Variants in MPP7 observed in about 807,000 individuals in gnomAD.
The protein encoded by MPP7 is MAGUK p55 scaffold protein 7.
A neutral mutation model predicts 76.5 loss-of-function variants in MPP7; 60 were observed. The observed-to-expected ratio is 0.78, with a 90% CI of 0.64 to 0.97. The LOEUF (loss-of-function observed/expected upper bound fraction) is 0.97. Ranked by LOEUF, MPP7 falls within the 50% of genes least tolerant of loss-of-function variation. The pLI, the probability that MPP7 is intolerant of heterozygous loss-of-function variation, is 0.00. For missense variants in MPP7, 641 were observed against 694.0 expected (o/e 0.92, Z 0.86); for synonymous variants, 237 against 244.5 (o/e 0.97, Z 0.29).
At chr10:28,063,461 CAAAA>C (rs760077416) in intron 13 of MPP7, among the ~76,000 whole-genome samples, 1 of 109,672 alleles carries the variant, frequency 9.1e-6, no homozygotes, top group Admixed American at 9.7e-5. Context: ...GACTCTGTCT[CAAAA>C]AAAAAAAAAA....
At chr10:28,069,921 G>A (rs946628445) in intron 12 of MPP7, 69 bp from the exon 13 acceptor site, 90 of 1,137,474 alleles carry the variant, frequency 7.9e-5, no homozygotes, top group Admixed American at 4.3e-4. Flanking sequence ...TAACTGACAT[G>A]AGTCTCTAAG....
At chr10:28,292,449 C>T (rs1007611902) in intron 1 of MPP7, among the ~76,000 whole-genome samples, 22 of 140,978 alleles carry the variant, frequency 1.6e-4, no homozygotes, top group Middle Eastern at 3.6e-3. Flanking sequence ...AAGATCATTA[C>T]GGAAAAAAAA....
rs145578488 is a variant in MPP7, at chr10:28,244,403, A to C, written c.-131-5668T>G. On this transcript the variant is annotated intron_variant, in intron 1 of 16. Coordinates refer to ENST00000683449, the MANE Select transcript of MPP7 (RefSeq NM_001318170.2). ...TCTCAAGTATCTCAGACTCGTCACT[A>C]TACATAAAGAATTTAAAAACAGACT... 4.8e-3 allele frequency among the ~76,000 whole-genome samples: 731 copies of C among 152,296 alleles called. 4 individuals carry two copies. Among genetic ancestry groups the C allele is most frequent in the Non-Finnish European group, 8.5e-3 (575 of 68,028 alleles).
Position 28,255,674 on chromosome 10 carries a change from G to A in MPP7, c.-131-16939C>T, listed in dbSNP as rs1047093890. ...CCTGCCTCAGCCTCCCAAAGTGCTG[G>A]GATTACAGGCATGAGCCACTGTGCC... is the stretch of plus-strand genomic sequence containing the variant. On this transcript the variant is annotated intron_variant, in intron 1 of 16. Coordinates refer to ENST00000683449, the MANE Select transcript of MPP7 (RefSeq NM_001318170.2). Among the ~76,000 whole-genome samples, 2 of 152,006 alleles carry A rather than the reference G, an allele frequency of 1.3e-5. 1 individual carries two copies. The highest frequency in any genetic ancestry group is 4.1e-4 in the South Asian group (2 of 4,820).
chr10:28,059,305 T>C (rs1851684733), intron 14 of MPP7, among the ~76,000 whole-genome samples: 2 of 152,168 alleles, frequency 1.3e-5, no homozygotes, highest in South Asian at 4.1e-4. Context: ...CCTAGTGATA[T>C]ACTACATAGT....
chr10:28,155,074 T>G (rs1836007695), intron 3 of MPP7, among the ~76,000 whole-genome samples: 1 of 152,146 alleles, frequency 6.6e-6, no homozygotes, highest in African/African-American at 2.4e-5. Context: ...AAAACTGTAA[T>G]TACAGCTTAA....
At chr10:28,167,535 G>A (rs1836524746) in intron 3 of MPP7, among the ~76,000 whole-genome samples, 1 of 152,072 alleles carries the variant, frequency 6.6e-6, no homozygotes, top group Admixed American at 6.6e-5. Context: ...CACCATTTGG[G>A]TGACCGGCTC....
chr10:28,140,367 C>A (rs942364761), intron 5 of MPP7, among the ~76,000 whole-genome samples: 2 of 151,988 alleles, frequency 1.3e-5, no homozygotes, highest in African/African-American at 4.8e-5. Context: ...CAAAAATTAG[C>A]CAGGCGGGTG....
At chr10:28,124,378 T>C (rs1834942408) in intron 7 of MPP7, among the ~76,000 whole-genome samples, 1 of 151,282 alleles carries the variant, frequency 6.6e-6, no homozygotes, top group African/African-American at 2.4e-5. Flanking sequence ...TATCTTATAC[T>C]AATATACTAA....
chr10:28,066,711 C>T (rs1325297179), intron 13 of MPP7, among the ~76,000 whole-genome samples: 2 of 152,190 alleles, frequency 1.3e-5, no homozygotes, highest in Non-Finnish European at 2.9e-5. Context: ...CTTGAGATTT[C>T]TAACAGCACA....
rs371865707 is a variant in MPP7 at position 28,291,434 on chromosome 10, G to A, written c.-132+11427C>T. 4.6e-5 allele frequency among the ~76,000 whole-genome samples: 7 copies of A among 152,068 alleles called. No individual in the cohort carries two copies. The South Asian group carries it at 6.2e-4, about 14-fold the overall frequency. ...CAGCCTGGACAACATGGCAAACGCC[G>A]TCTATACTAAAAATAGAAAAATTAG... On this transcript the variant is annotated intron_variant, in intron 1 of 16. Transcript: ENST00000683449.
intron 1 of MPP7, among the ~76,000 whole-genome samples, chr10:28,297,013 TTGGTC>T (rs1211614681): frequency 6.6e-6 from 1 of 152,122 alleles, no homozygotes; most frequent in Non-Finnish European, 1.5e-5. Context: ...AATCTACACT[TTGGTC>T]TGGGTTTCTG....
At position 28,118,051 on chromosome 10, in the gene MPP7, A is replaced by G. The variant is rs1439223509; in HGVS notation, c.952+1600T>C. On this transcript the variant is annotated intron_variant, in intron 11 of 16. Coordinates refer to ENST00000683449, the MANE Select transcript of MPP7 (RefSeq NM_001318170.2). ...AAAATTAGTCAAATGAGGACATTTC[A>G]GTAAAGATAAATGCTAGAATAAATA... 3 of 957,824 alleles carry G rather than the reference A, an allele frequency of 3.1e-6. No individual in the cohort carries two copies. In the African/African-American group the frequency reaches 5.3e-5, roughly 17 times the overall value. The allele number at this position is 957,824 out of a possible 1,614,324, so 59.3% of individuals were successfully genotyped here. A position where few individuals can be genotyped will look rare whatever the true frequency, so the allele number is the denominator to read the frequency against.
At chr10:28,271,422 T>A (rs7086807) in intron 1 of MPP7, among the ~76,000 whole-genome samples, 22,643 of 152,134 alleles carry the variant, frequency 0.15, 1,766 homozygotes, top group South Asian at 0.19. Flanking sequence ...CAATCAAATA[T>A]GACATAAAGA....
intron 12 of MPP7, among the ~76,000 whole-genome samples, chr10:28,078,107 A>T (rs1852582875): frequency 6.6e-6 from 1 of 152,040 alleles, no homozygotes; most frequent in East Asian, 1.9e-4. Flanking sequence ...CATTCTTTCC[A>T]CTCTACCTAT....
At chr10:28,294,073 C>T (rs180957944) in intron 1 of MPP7, among the ~76,000 whole-genome samples, 4 of 152,240 alleles carry the variant, frequency 2.6e-5, no homozygotes, top group Admixed American at 6.5e-5. Flanking sequence ...TTTGGGAGGC[C>T]GAGGCGGGCG....
chr10:28,231,374 G>T (rs576663297), intron 2 of MPP7, among the ~76,000 whole-genome samples: 1 of 151,388 alleles, frequency 6.6e-6, no homozygotes, highest in East Asian at 1.9e-4. Flanking sequence ...TATAAACAAA[G>T]TATTTCTAGA....
At chr10:28,271,839 G>A (rs1840335922) in intron 1 of MPP7, among the ~76,000 whole-genome samples, 1 of 152,112 alleles carries the variant, frequency 6.6e-6, no homozygotes, top group African/African-American at 2.4e-5. Flanking sequence ...ACCAAGCGTG[G>A]TGGCACGTGC....
intron 1 of MPP7, among the ~76,000 whole-genome samples, chr10:28,260,500 A>G (rs1839913597): frequency 6.6e-6 from 1 of 152,044 alleles, no homozygotes; most frequent in South Asian, 2.1e-4. Flanking sequence ...CTGGCCAGGC[A>G]TGGTGGCTCA....
Sources: allele counts gnomAD v4.1 joint callset (sites outside exome capture counted in the v4.1 genomes callset), GRCh38; gene constraint gnomAD v4.1.1; transcripts MANE v1.5; gene names NCBI Gene and HGNC (gene_info 2026-07-23, HGNC 2026-07-21).